Variants in COL9A3 observed in about 807,000 individuals in gnomAD.
COL9A3 encodes the protein collagen type IX alpha 3 chain.
A neutral mutation model predicts 110.2 loss-of-function variants in COL9A3; 82 were observed. That is an observed-to-expected ratio of 0.74 (90% CI 0.62 to 0.89). The LOEUF is 0.89. COL9A3 is among the 40% of genes least tolerant of loss of function. The probability of loss-of-function intolerance (pLI) is 0.00; values close to 1 mark genes in which losing one functional copy is unlikely to be tolerated. For synonymous variants in COL9A3, 494 were observed against 403.8 expected (o/e 1.22, Z -2.68); for missense variants, 1,066 against 981.3 (o/e 1.09, Z -1.15).
In COL9A3 at chr20:62,822,157, G is replaced by GACC. The variant is rs2063517962; in HGVS notation, c.471_473dup (p.Pro159dup). ...CTCCCTGGTCCCCCAGGACCTCCCGGACCCCCTGTAAGTACTGGGCAGAGG... is the reference window on the plus strand; with the variant it reads ...CTCCCTGGTCCCCCAGGACCTCCCGGACCACCCCCTGTAAGTACTGGGCAGAGG... On this transcript the variant is annotated inframe_insertion, in exon 9 of 32. Transcript: ENST00000649368. The GACC allele has an allele frequency of 6.3e-7, 1 of 1,574,978 alleles. No individual in the cohort carries two copies. The highest frequency in any genetic ancestry group is 1.3e-5 in the African/African-American group (1 of 74,264).
At chr20:62,825,687 G>A in intron 12 of COL9A3, 130 bp from the exon 13 acceptor site, 1 of 914,536 alleles carries the variant, frequency 1.1e-6, no homozygotes, top group Non-Finnish European at 1.8e-6. Flanking sequence ...CCTTCACAGA[G>A]CCTCCAAGGC....
chr20:62,838,213 T>A (rs1348870124), intron 30 of COL9A3, among the ~76,000 whole-genome samples: 2 of 152,222 alleles, frequency 1.3e-5, no homozygotes, highest in Non-Finnish European at 2.9e-5. Context: ...CTGACGGCTG[T>A]GCCACTGGGC....
rs758898616 is a variant in COL9A3, at chr20:62,822,636, G to A, written c.519+4G>A. Reference sequence around the variant, plus strand: ...TGAAGGCGCTACTGACCTTCAGGTAGGCACTTGAAGCCATTTGTTAAGGGT... The same window carrying A: ...TGAAGGCGCTACTGACCTTCAGGTAAGCACTTGAAGCCATTTGTTAAGGGT... On this transcript the variant is annotated splice_donor_region_variant and intron_variant, in intron 10 of 31. Transcript: ENST00000649368. 1 of 1,611,974 alleles carries A rather than the reference G, an allele frequency of 6.2e-7. No individual in the cohort carries two copies. The highest frequency in any genetic ancestry group is 8.5e-7 in the Non-Finnish European group (1 of 1,179,912).
chr20:62,833,106 C>T (rs1305554292), intron 26 of COL9A3, 42 bp downstream of exon 26: 4 of 1,538,340 alleles, frequency 2.6e-6, no homozygotes, highest in Non-Finnish European at 1.8e-6. Flanking sequence ...CAGCTGGGAG[C>T]GAGGTCGCCA....
At chr20:62,836,431 C>T (rs1458803821) in intron 28 of COL9A3, 47 bp from the exon 29 acceptor site, 12 of 1,613,448 alleles carry the variant, frequency 7.4e-6, no homozygotes, top group Middle Eastern at 1.6e-4. Context: ...GAATGCCTCA[C>T]CGAGGCTGCC....
intron 26 of COL9A3, among the ~76,000 whole-genome samples, chr20:62,834,121 G>A (rs754643024): frequency 1.2e-3 from 187 of 152,202 alleles, no homozygotes; most frequent in Middle Eastern, 3.4e-3. Context: ...CAATCTGCCC[G>A]CCTCGGCCTC....
At chr20:62,818,993 C>A (rs1482872774) in intron 3 of COL9A3, among the ~76,000 whole-genome samples, 1 of 152,174 alleles carries the variant, frequency 6.6e-6, no homozygotes, top group East Asian at 1.9e-4. Context: ...CTTACAGATG[C>A]CACTGAGGGA....
intron 26 of COL9A3, among the ~76,000 whole-genome samples, chr20:62,833,860 A>AT (rs1484438123): frequency 2.1e-5 from 3 of 144,522 alleles, no homozygotes; most frequent in African/African-American, 5.3e-5. Flanking sequence ...CAGTCGACTA[A>AT]TTTTTTGTGT....
intron 22 of COL9A3, 39 bp from the exon 23 acceptor site, chr20:62,830,321 C>A: frequency 6.4e-7 from 1 of 1,555,088 alleles, no homozygotes; most frequent in Non-Finnish European, 8.7e-7. Context: ...ACTCCTCGAA[C>A]CCTGAGACAT....
chr20:62,838,461 C>T (rs570495487), intron 30 of COL9A3, among the ~76,000 whole-genome samples: 2 of 152,304 alleles, frequency 1.3e-5, no homozygotes, highest in South Asian at 2.1e-4. Flanking sequence ...CTATGCGGTG[C>T]GTCGTCCACC....
Position 62,828,784 on chromosome 20 carries a change from C to T in COL9A3, c.921C>T (p.Gly307=), listed in dbSNP as rs1258816279. 1.9e-6 allele frequency: 3 copies of T among 1,612,864 alleles called. No individual in the cohort carries two copies. The highest frequency in any genetic ancestry group is 2.5e-6 in the Non-Finnish European group (3 of 1,179,922). Residue 307 remains glycine (G), a synonymous_variant, in exon 18 of 32, where the codon GGC becomes GGT. Transcript: ENST00000649368. ...SGEPGMPGKD[G]QNGVPGLDGQ... ...CCCAGGGCATGCCGGGCAAGGACGG[C>T]CAGAATGGCGTGCCAGGACTCGATG... is the stretch of plus-strand genomic sequence containing the variant.
rs1221498855 is a variant in COL9A3, at chr20:62,830,408, T to C, written c.1210T>C (p.Phe404Leu). ...GPPGAPGVRG[F>L]QGQKGSMGDP... ...TCCCGGAGCCCCTGGTGTCCGAGGC[T>C]TCCAGGTGGGTGAGGTTGGGGCAAG... Residue 404 changes from phenylalanine (F) to leucine (L), a missense_variant, in exon 23 of 32, where the codon TTC becomes CTC. Coordinates refer to ENST00000649368, the MANE Select transcript of COL9A3 (RefSeq NM_001853.4). 5.7e-6 allele frequency: 9 copies of C among 1,569,338 alleles called. No individual in the cohort carries two copies. In the South Asian group the frequency reaches 9.3e-5, roughly 16 times the overall value.
At chr20:62,834,530 A>C (rs1426907551) in intron 26 of COL9A3, among the ~76,000 whole-genome samples, 2 of 152,240 alleles carry the variant, frequency 1.3e-5, no homozygotes, top group Non-Finnish European at 2.9e-5. Context: ...TGGGTGAAAT[A>C]GAAACAGCCT....
chr20:62,821,880 G>C (rs1386619529), intron 8 of COL9A3, 70 bp downstream of exon 8: 3 of 886,750 alleles, frequency 3.4e-6, no homozygotes, highest in Non-Finnish European at 5.6e-6. Flanking sequence ...TCAACAGCCA[G>C]GGGCTCCCTT....
In COL9A3 at chr20:62,817,588, C is replaced by T; in HGVS notation, c.100C>T (p.Pro34Ser). ...GAQRVGLPGP[P>S]GPPGPPGKPG... ...TCAGAGAGTGGGACTCCCCGGCCCC[C>T]CCGGCCCCCCAGGGCCGCCCGGGAA... The change falls in exon 2 of 32, where the codon CCC becomes TCC. Residue 34 changes from proline to serine, a missense_variant. Pro to Ser is a moderately conservative substitution (Grantham distance 74). Coordinates refer to ENST00000649368, the MANE Select transcript of COL9A3 (RefSeq NM_001853.4). The T allele has an allele frequency of 6.5e-7, 1 of 1,547,486 alleles. No individual in the cohort carries two copies. The highest frequency in any genetic ancestry group is 1.4e-5 in the African/African-American group (1 of 73,106).
At chr20:62,820,704 T>A (rs1016256925) in intron 5 of COL9A3, among the ~76,000 whole-genome samples, 3 of 152,034 alleles carry the variant, frequency 2.0e-5, no homozygotes, top group Admixed American at 2.0e-4. Flanking sequence ...AGGAGGGGCC[T>A]CCAGCCTCAG....
rs1364524866 is a variant in COL9A3 at position 62,818,565 on chromosome 20, T to C, written c.183+12T>C. 1.2e-6 allele frequency: 2 copies of C among 1,612,246 alleles called. No individual in the cohort carries two copies. The highest frequency in any genetic ancestry group is 1.7e-6 in the Non-Finnish European group (2 of 1,179,410). ...TGCCTGGGCCCCCGGTGAGTGTCCC[T>C]GGCTGGGGAGACAGCCTTTTTCCAG... On this transcript the variant is annotated intron_variant, in intron 3 of 31. Transcript: ENST00000649368.
In COL9A3 at chr20:62,826,055, T is replaced by C; in HGVS notation, c.685-149T>C. The C allele has an allele frequency of 5.6e-6, 6 of 1,065,532 alleles. No homozygotes were observed. In the South Asian group the frequency reaches 8.3e-5, roughly 15 times the overall value. The allele number at this position is 1,065,532 out of a possible 1,614,324, so 66.0% of individuals were successfully genotyped here. The stretch of plus-strand genomic sequence containing the variant: ...CCAAGGCTGCTGACCTCAAGGCTGG[T>C]GCCCCCTCCCTCTGGGGGACCTGAG... On this transcript the variant is annotated intron_variant, in intron 13 of 31. Coordinates refer to ENST00000649368, the MANE Select transcript of COL9A3 (RefSeq NM_001853.4).
chr20:62,829,385 C>T, intron 19 of COL9A3, 70 bp from the exon 20 acceptor site: 1 of 1,598,750 alleles, frequency 6.3e-7, no homozygotes, highest in Non-Finnish European at 8.5e-7. Context: ...TGCCTGCGTG[C>T]ACGCCCCTGG....
Sources: allele counts gnomAD v4.1 joint callset (sites outside exome capture counted in the v4.1 genomes callset), GRCh38; gene constraint gnomAD v4.1.1; transcripts MANE v1.5; gene names NCBI Gene and HGNC (gene_info 2026-07-23, HGNC 2026-07-21).